Variants in PACS2 observed in about 807,000 individuals in gnomAD.
PACS2 encodes the protein phosphofurin acidic cluster sorting protein 2.
In PACS2, 36 loss-of-function variants were observed where a neutral mutation model predicts 113.0. The observed-to-expected ratio is 0.32, with a 90% CI of 0.24 to 0.42. The LOEUF (loss-of-function observed/expected upper bound fraction) is 0.42. Among genes scored for constraint, PACS2 ranks in the 10% least tolerant of loss-of-function variants. The pLI, the probability that PACS2 is intolerant of heterozygous loss-of-function variation, is 1.00. For missense variants in PACS2, 1,015 were observed against 1,239.5 expected, an observed-to-expected ratio of 0.82 and a Z score of 2.72; for synonymous variants, 589 against 536.1, an observed-to-expected ratio of 1.10 and a Z score of -1.36.
Position 105,314,933 on chromosome 14 carries a change from C to A in PACS2, c.15C>A (p.Gly5=). ...GGGCCGGCGCCATGGCCGAGCGAGG[C>A]CGCCTCGGCCTCCCCGGCGCGCCCG... MAER[G]RLGLPGAPGA... is the part of the protein sequence containing the mutation. Residue 5 remains glycine, a synonymous_variant, in exon 1 of 25, where the codon GGC becomes GGA. Transcript: ENST00000447393. 2 of 1,105,628 alleles carry A rather than the reference C, an allele frequency of 1.8e-6. No individual in the cohort carries two copies. Among genetic ancestry groups the A allele is most frequent in the South Asian group, 2.3e-5 (1 of 43,112 alleles). The allele number at this position is 1,105,628 out of a possible 1,614,324, so 68.5% of individuals were successfully genotyped here. A position where few individuals can be genotyped will look rare whatever the true frequency, so the allele number is the denominator to read the frequency against.
chr14:105,393,268 G>A lies in PACS2; in HGVS notation c.2529G>A (p.Lys843=). 6.2e-7 allele frequency: 1 copy of A among 1,612,932 alleles called. No individual in the cohort carries two copies. Among genetic ancestry groups the A allele is most frequent in the Non-Finnish European group, 8.5e-7 (1 of 1,179,988 alleles). Residue 843 remains lysine (K), a synonymous_variant, in exon 24 of 25, where the codon AAG becomes AAA. Transcript: ENST00000447393. Reference sequence around the variant, plus strand: ...CGAAGGACAAGGACGTGGAGTCTAAGAGCCAGTGCATTGAGGGCATCAGCC... The same window carrying A: ...CGAAGGACAAGGACGTGGAGTCTAAAAGCCAGTGCATTGAGGGCATCAGCC... The part of the protein sequence containing the change: ...KKAKDKDVES[K]SQCIEGISRL...
chr14:105,311,539 G>A (rs1443970739), upstream of PACS2, among the ~76,000 whole-genome samples: 1 of 152,202 alleles, frequency 6.6e-6, no homozygotes, highest in Non-Finnish European at 1.5e-5. Flanking sequence ...ACAGGTGTGA[G>A]CCCCTGCGAC....
In PACS2 at chr14:105,384,269, G is replaced by T. The variant is rs1595161489; in HGVS notation, c.1781-84G>T. On this transcript the variant is annotated intron_variant, in intron 16 of 24. Coordinates refer to ENST00000447393, the MANE Select transcript of PACS2 (RefSeq NM_001100913.3). ...AAGGCAGCAGCACAGGCCTGGGGTC[G>T]GGTGGCCCAGCTTTTGTGCCGCGGT... is the stretch of plus-strand genomic sequence containing the variant. 6.1e-5 allele frequency: 47 copies of T among 766,474 alleles called. No individual in the cohort carries two copies. In the East Asian group the frequency reaches 1.2e-3, roughly 20 times the overall value. The allele number at this position is 766,474 out of a possible 1,614,324, so 47.5% of individuals were successfully genotyped here. A position where few individuals can be genotyped will look rare whatever the true frequency, so the allele number is the denominator to read the frequency against.
At chr14:105,390,977 C>T (rs1342329816) in intron 20 of PACS2, 4 of 586,232 alleles carry the variant, frequency 6.8e-6, no homozygotes, top group South Asian at 2.0e-5. Context: ...AGAGAGCAGT[C>T]CCTCCTGCTG....
chr14:105,348,543 A>G lies in PACS2; in HGVS notation c.170A>G (p.Lys57Arg). 1.9e-6 allele frequency: 3 copies of G among 1,612,496 alleles called. No homozygotes were observed. The highest frequency in any genetic ancestry group is 2.5e-6 in the Non-Finnish European group (3 of 1,179,770). ...CTGGTGGTCTTCAAGGAGCTGGAGA[A>G]GGAGCTGATCTCCGTGGTGATCGCT... Reference protein sequence around the residue: ...KKLVVFKELEKELISVVIAVK... With the variant: ...KKLVVFKELERELISVVIAVK... The change falls in exon 2 of 25, where the codon AAG becomes AGG. Residue 57 changes from lysine to arginine, a missense_variant. Lys to Arg is a conservative substitution (Grantham distance 26). Transcript: ENST00000447393. This position sits in a 1 kb window ranked among gnomAD's most constrained non-coding sequence, Gnocchi z 6.4.
rs73359063 is a variant in PACS2, at chr14:105,355,380, C to A, written c.423+203C>A. On this transcript the variant is annotated intron_variant, in intron 4 of 24. Coordinates refer to ENST00000447393, the MANE Select transcript of PACS2 (RefSeq NM_001100913.3). The surrounding 1 kb of genome is among the most constrained non-coding windows in gnomAD (Gnocchi z 4.1). ...TGCTTCCTCTCTGACCTTCCCTTGC[C>A]GCCTAGCATGGCTCCCCGCATGCCT... Among the ~76,000 whole-genome samples, 1 of 152,250 alleles carries A rather than the reference C, an allele frequency of 6.6e-6. No homozygotes were observed. The highest frequency in any genetic ancestry group is 2.4e-5 in the African/African-American group (1 of 41,460).
rs181320288 is a variant in PACS2, at chr14:105,387,199, G to A, written c.2033+1482G>A. Among the ~76,000 whole-genome samples the A allele has an allele frequency of 3.0e-3, 451 of 152,350 alleles. 3 individuals carry two copies. Among genetic ancestry groups the A allele is most frequent in the Non-Finnish European group, 3.0e-3 (205 of 68,026 alleles). ...AGGAGGGTCAGTCGGGAGGCTGAGA[G>A]AGTGCAGGCGGTGGCACAGCCCTTG... On this transcript the variant is annotated intron_variant, in intron 19 of 24. Coordinates refer to ENST00000447393, the MANE Select transcript of PACS2 (RefSeq NM_001100913.3).
intron 1 of PACS2, among the ~76,000 whole-genome samples, chr14:105,306,341 TC>T (rs1462747759): frequency 1.3e-5 from 2 of 152,116 alleles, no homozygotes. Context: ...TCTTGCTCTG[TC>T]CCCCAGGCTG....
At position 105,391,614 on chromosome 14, in the gene PACS2, G is replaced by A; in HGVS notation, c.2120-17G>A. 1 of 1,589,324 alleles carries A rather than the reference G, an allele frequency of 6.3e-7. No homozygotes were observed. Among genetic ancestry groups the A allele is most frequent in the African/African-American group, 1.3e-5 (1 of 74,306 alleles). On this transcript the variant is annotated splice_polypyrimidine_tract_variant and intron_variant, in intron 21 of 24. Coordinates refer to ENST00000447393, the MANE Select transcript of PACS2 (RefSeq NM_001100913.3). Reference sequence around the variant, plus strand: ...GCAGCAGGTGGGCTCAGCCTGCCCTGTGACTCCTCCCCAAAGGCGACTCGG... The same window carrying A: ...GCAGCAGGTGGGCTCAGCCTGCCCTATGACTCCTCCCCAAAGGCGACTCGG...
At chr14:105,316,618 G>A (rs946380195) in intron 1 of PACS2, among the ~76,000 whole-genome samples, 1 of 152,218 alleles carries the variant, frequency 6.6e-6, no homozygotes, top group African/African-American at 2.4e-5. Context: ...TGGCAGGAGG[G>A]GCCGGGGGCC....
chr14:105,305,643 T>C (rs2058165284), intron 1 of PACS2, among the ~76,000 whole-genome samples: 1 of 152,282 alleles, frequency 6.6e-6, no homozygotes, highest in South Asian at 2.1e-4. Context: ...CCCCACGTGA[T>C]GTGAAGGCAT....
Position 105,382,471 on chromosome 14 carries a change from C to G in PACS2, c.1414-6C>G. 6.4e-7 allele frequency: 1 copy of G among 1,560,396 alleles called. No homozygotes were observed. The highest frequency in any genetic ancestry group is 8.8e-7 in the Non-Finnish European group (1 of 1,131,224). On this transcript the variant is annotated splice_region_variant and splice_polypyrimidine_tract_variant and intron_variant, in intron 13 of 24. Transcript: ENST00000447393. ...TCTGGGTGTGGACAGGGCTCTGTGC[C>G]TCCAGATCCCCAGGAAGACTGTGTA...
At position 105,340,305 on chromosome 14, in the gene PACS2, A is replaced by G. The variant is rs193026691; in HGVS notation, c.120-8188A>G. 1.5e-3 allele frequency among the ~76,000 whole-genome samples: 226 copies of G among 152,300 alleles called. No homozygotes were observed. Among genetic ancestry groups the G allele is most frequent in the African/African-American group, 4.9e-3 (203 of 41,560 alleles). On this transcript the variant is annotated intron_variant, in intron 1 of 24. Coordinates refer to ENST00000447393, the MANE Select transcript of PACS2 (RefSeq NM_001100913.3). The surrounding 1 kb of genome is among the most constrained non-coding windows in gnomAD (Gnocchi z 4.2). ...ACATTCATGTAGGAAATAAAATGCA[A>G]TCACAACACACACAACTCCAAATGG...
At position 105,315,679 on chromosome 14, in the gene PACS2, C is replaced by G. The variant is rs1214999058; in HGVS notation, c.119+642C>G. 1 of 152,300 alleles carries G rather than the reference C, an allele frequency of 6.6e-6. No homozygotes were observed. Among genetic ancestry groups the G allele is most frequent in the African/African-American group, 2.4e-5 (1 of 41,466 alleles). The allele number at this position is 152,300 out of a possible 1,614,324, so 9.4% of individuals were successfully genotyped here. A position where few individuals can be genotyped will look rare whatever the true frequency, so the allele number is the denominator to read the frequency against. Reference sequence around the variant, plus strand: ...ACTTGGTAGGGGGGCGCCCGGTCGCCCAGCGGTAACGATTGGACAGGGTTT... The same window carrying G: ...ACTTGGTAGGGGGGCGCCCGGTCGCGCAGCGGTAACGATTGGACAGGGTTT... On this transcript the variant is annotated intron_variant, in intron 1 of 24. Coordinates refer to ENST00000447393, the MANE Select transcript of PACS2 (RefSeq NM_001100913.3). This position sits in a 1 kb window ranked among gnomAD's most constrained non-coding sequence, Gnocchi z 4.4.
In PACS2 at chr14:105,398,037, C is replaced by T. The variant is rs2081574575; in HGVS notation, c.*3365C>T. ...TGTTGCTAGTTTTTTTTAATGAAAC[C>T]CTGGATTAATGTAAATAGCTTTTTG... On this transcript the variant is annotated 3_prime_UTR_variant, in exon 25 of 25. Transcript: ENST00000447393. The T allele has an allele frequency of 6.6e-6, 1 of 152,196 alleles. No individual in the cohort carries two copies. Among genetic ancestry groups the T allele is most frequent in the African/African-American group, 2.4e-5 (1 of 41,428 alleles). The allele number at this position is 152,196 out of a possible 1,614,324, so 9.4% of individuals were successfully genotyped here. A position where few individuals can be genotyped will look rare whatever the true frequency, so the allele number is the denominator to read the frequency against.
Position 105,332,736 on chromosome 14 carries a change from G to A in PACS2, c.120-15757G>A, listed in dbSNP as rs143123721. Among the ~76,000 whole-genome samples the A allele has an allele frequency of 4.6e-3, 696 of 152,306 alleles. 9 individuals carry two copies. The highest frequency in any genetic ancestry group is 0.015 in the African/African-American group (636 of 41,550). On this transcript the variant is annotated intron_variant, in intron 1 of 24. Coordinates refer to ENST00000447393, the MANE Select transcript of PACS2 (RefSeq NM_001100913.3). ...CCAGGAGGTGGATTCTGAGGTCTGA[G>A]TCCCCCGCAGGACAGCAGTTCCATC...
rs2058040552 is a variant in PACS2 at position 105,301,839 on chromosome 14, C to T, written c.-83+860C>T. Among the ~76,000 whole-genome samples, 3 of 152,140 alleles carry T rather than the reference C, an allele frequency of 2.0e-5. No homozygotes were observed. The South Asian group carries it at 6.2e-4, about 31-fold the overall frequency. On this transcript the variant is annotated intron_variant, in intron 1 of 23. Coordinates refer to the PACS2 transcript ENST00000430725. ...GCCGGTGACATACCCAGGAATGAGC[C>T]TAAAAAGAAATGCGTAACCAGGCGT...
At chr14:105,335,378 G>A (rs1300393877) in intron 1 of PACS2, among the ~76,000 whole-genome samples, 1 of 147,002 alleles carries the variant, frequency 6.8e-6, no homozygotes, top group African/African-American at 2.6e-5. Flanking sequence ...CCGGCGCCTG[G>A]CGTGGCTCTG....
chr14:105,338,239 C>G (rs782516746), intron 1 of PACS2, among the ~76,000 whole-genome samples: 10 of 152,204 alleles, frequency 6.6e-5, no homozygotes, highest in Non-Finnish European at 1.3e-4. Context: ...GTTGGCTGCT[C>G]TCCTTCCAGC....
Sources: allele counts gnomAD v4.1 joint callset (sites outside exome capture counted in the v4.1 genomes callset), GRCh38; gene constraint gnomAD v4.1.1; non-coding constraint Gnocchi (gnomAD v3.1); transcripts MANE v1.5; gene names NCBI Gene and HGNC (gene_info 2026-07-23, HGNC 2026-07-21).